GUCY1A2: variants seen among roughly 807,000 people sequenced by gnomAD.
GUCY1A2 encodes the protein guanylate cyclase soluble subunit alpha-2.
In GUCY1A2, 27 loss-of-function variants were observed where a neutral mutation model predicts 63.5. The ratio of observed to expected loss-of-function variants is 0.43; its 90% confidence interval spans 0.31 to 0.59. The LOEUF (loss-of-function observed/expected upper bound fraction) is 0.59, where lower values mean the gene tolerates loss of function less well. Ranked by LOEUF, GUCY1A2 falls within the 20% of genes least tolerant of loss-of-function variation. The probability of loss-of-function intolerance (pLI) is 0.11; values close to 1 mark genes in which losing one functional copy is unlikely to be tolerated. For missense variants in GUCY1A2, 768 were observed against 913.3 expected, an observed-to-expected ratio of 0.84 and a Z score of 2.05; for synonymous variants, 364 against 343.5, an observed-to-expected ratio of 1.06 and a Z score of -0.66.
intron 4 of GUCY1A2, among the ~76,000 whole-genome samples, chr11:106,840,878 T>C (rs1005154904): frequency 6.6e-6 from 1 of 151,994 alleles, no homozygotes; most frequent in African/African-American, 2.4e-5. Context: ...AAAAATTCAT[T>C]CTTGTGCTTA....
At chr11:106,695,612 C>T (rs11211870) in intron 7 of GUCY1A2, among the ~76,000 whole-genome samples, 1 of 152,100 alleles carries the variant, frequency 6.6e-6, no homozygotes, top group African/African-American at 2.4e-5. Context: ...CCCTGTATTT[C>T]TGCTTTGTGC....
chr11:106,690,274 T>C (rs1319392054), intron 7 of GUCY1A2, among the ~76,000 whole-genome samples: 1 of 152,152 alleles, frequency 6.6e-6, no homozygotes, highest in East Asian at 1.9e-4. Flanking sequence ...TCAACCTAAA[T>C]GTCCATCAGT....
rs144423839 is a variant in GUCY1A2, at chr11:106,874,318, AATTG to A, written c.1207-63844_1207-63841del. On this transcript the variant is annotated intron_variant, in intron 4 of 7. Transcript: ENST00000526355. ...GAATACAGAAACCGAGTAGTCCAGGAATTGATTAATAAAGAAATAGCACATATAA... is the reference window on the plus strand; with the variant it reads ...GAATACAGAAACCGAGTAGTCCAGGAATTAATAAAGAAATAGCACATATAA... Among the ~76,000 whole-genome samples, 152 of 152,312 alleles carry A rather than the reference AATTG, an allele frequency of 1.0e-3. 2 individuals carry two copies. The highest frequency in any genetic ancestry group is 3.3e-3 in the African/African-American group (137 of 41,576).
chr11:106,778,411 G>A (rs1864399795), intron 5 of GUCY1A2, among the ~76,000 whole-genome samples: 1 of 152,108 alleles, frequency 6.6e-6, no homozygotes, highest in African/African-American at 2.4e-5. Flanking sequence ...CATATCCCTG[G>A]CTACGATGTG....
intron 1 of GUCY1A2, among the ~76,000 whole-genome samples, chr11:106,995,174 A>G (rs900195624): frequency 6.6e-6 from 1 of 152,192 alleles, no homozygotes; most frequent in African/African-American, 2.4e-5. Flanking sequence ...AAAATGGGGA[A>G]GCTTTCTGGG....
intron 4 of GUCY1A2, among the ~76,000 whole-genome samples, chr11:106,932,494 C>T (rs538293578): frequency 1.3e-5 from 2 of 152,128 alleles, no homozygotes; most frequent in East Asian, 1.9e-4. Flanking sequence ...ATACATGAGC[C>T]TTGTCGCTCA....
chr11:106,853,518 T>G (rs1040903930), intron 4 of GUCY1A2, among the ~76,000 whole-genome samples: 2 of 152,122 alleles, frequency 1.3e-5, no homozygotes, highest in African/African-American at 4.8e-5. Context: ...TTCTTACATC[T>G]ATGTCAAATT....
At position 106,677,096 on chromosome 11, in the gene GUCY1A2, A is replaced by G. The variant is rs1466253185; in HGVS notation, c.*10453T>C. On this transcript the variant is annotated 3_prime_UTR_variant, in exon 8 of 8. Coordinates refer to ENST00000526355, the MANE Select transcript of GUCY1A2 (RefSeq NM_000855.3). ...AGTGTTCAATCATGTGAAAGTGAAA[A>G]AGGGAGGCTCCAGCCCAAATAGTAA... 3 of 214,470 alleles carry G rather than the reference A, an allele frequency of 1.4e-5. No individual in the cohort carries two copies. The East Asian group carries it at 2.0e-4, about 15-fold the overall frequency. 13.3% of individuals were successfully genotyped at this position (214,470 alleles called of 1,614,324 possible).
intron 4 of GUCY1A2, among the ~76,000 whole-genome samples, chr11:106,867,377 A>G (rs933010253): frequency 9.9e-5 from 15 of 152,104 alleles, no homozygotes; most frequent in Non-Finnish European, 1.8e-4. Flanking sequence ...AGACACCAAT[A>G]CAAACTATGA....
At chr11:106,912,490 G>A (rs1052862393) in intron 4 of GUCY1A2, among the ~76,000 whole-genome samples, 10 of 152,136 alleles carry the variant, frequency 6.6e-5, no homozygotes, top group African/African-American at 2.2e-4. Context: ...AAAGTGCTAC[G>A]AGGTTCAGGG....
chr11:107,011,762 C>A (rs1312789993), intron 1 of GUCY1A2, among the ~76,000 whole-genome samples: 2 of 147,960 alleles, frequency 1.4e-5, no homozygotes, highest in South Asian at 2.1e-4. Flanking sequence ...GAGGCAGGAG[C>A]AAGACCCTAT....
At chr11:106,856,352 G>A (rs551750756) in intron 4 of GUCY1A2, among the ~76,000 whole-genome samples, 1 of 152,134 alleles carries the variant, frequency 6.6e-6, no homozygotes, top group South Asian at 2.1e-4. Context: ...CCCAAAGCCT[G>A]GGCATTTTGT....
At chr11:106,760,464 T>C (rs1344581675) in intron 6 of GUCY1A2, among the ~76,000 whole-genome samples, 3 of 152,226 alleles carry the variant, frequency 2.0e-5, no homozygotes, top group African/African-American at 7.2e-5. Context: ...ATCGTTTATG[T>C]GAGCATATAT....
At chr11:106,988,383 T>A (rs1407596801) in intron 1 of GUCY1A2, among the ~76,000 whole-genome samples, 1 of 152,050 alleles carries the variant, frequency 6.6e-6, no homozygotes, top group Non-Finnish European at 1.5e-5. Context: ...TCCAATAACC[T>A]CTGGTCATAA....
chr11:106,871,200 G>A (rs889437581), intron 4 of GUCY1A2, among the ~76,000 whole-genome samples: 4 of 152,076 alleles, frequency 2.6e-5, no homozygotes, highest in African/African-American at 7.2e-5. Context: ...AATCTTCAGA[G>A]AAACACAGAA....
At chr11:106,885,554 C>T (rs976897766) in intron 4 of GUCY1A2, among the ~76,000 whole-genome samples, 4 of 152,118 alleles carry the variant, frequency 2.6e-5, no homozygotes, top group Non-Finnish European at 5.9e-5. Flanking sequence ...CCTCTGTTCT[C>T]GAAAATCCAT....
chr11:106,979,304 A>C (rs1173853736), intron 2 of GUCY1A2, among the ~76,000 whole-genome samples: 1 of 152,000 alleles, frequency 6.6e-6, no homozygotes, highest in Non-Finnish European at 1.5e-5. Context: ...AAATACAAAA[A>C]ATTAGCCGGA....
At chr11:106,987,114 G>T (rs1861411609) in intron 1 of GUCY1A2, among the ~76,000 whole-genome samples, 1 of 151,392 alleles carries the variant, frequency 6.6e-6, no homozygotes, top group Non-Finnish European at 1.5e-5. Flanking sequence ...CAATTAAGCA[G>T]AAAAAAAGCA....
At chr11:106,715,394 T>C (rs572745423) in intron 6 of GUCY1A2, among the ~76,000 whole-genome samples, 9 of 152,286 alleles carry the variant, frequency 5.9e-5, no homozygotes, top group Admixed American at 5.2e-4. Context: ...AGTACATTAG[T>C]GTTAGGCTCA....
Sources: gnomAD v4.1 joint callset for allele counts (sites outside exome capture counted in the v4.1 genomes callset) on GRCh38, gnomAD v4.1.1 for gene constraint, MANE v1.5 for transcripts, NCBI Gene and HGNC (gene_info 2026-07-23, HGNC 2026-07-21) for gene names.